DPP8: variants seen among roughly 807,000 people sequenced by gnomAD.
DPP8 encodes the protein DPP VIII.
Under a neutral mutation model 107.5 loss-of-function variants are expected in DPP8, and 31 were observed. The ratio of observed to expected loss-of-function variants is 0.29; its 90% CI spans 0.22 to 0.39. The LOEUF is 0.39. Among genes scored for constraint, DPP8 ranks in the 10% least tolerant of loss-of-function variants. The probability of loss-of-function intolerance (pLI) is 1.00; values close to 1 mark genes in which losing one functional copy is unlikely to be tolerated. For synonymous variants in DPP8, 381 were observed against 356.6 expected (o/e 1.07, Z -0.77); for missense variants, 842 against 1,076.1 (o/e 0.78, Z 3.04).
At position 65,490,186 on chromosome 15, in the gene DPP8, T is replaced by C; in HGVS notation, c.826+3A>G. 3.3e-6 allele frequency: 5 copies of C among 1,504,066 alleles called. No homozygotes were observed. The highest frequency in any genetic ancestry group is 4.6e-6 in the Non-Finnish European group (5 of 1,079,792). 93.2% of individuals were successfully genotyped at this position (1,504,066 alleles called of 1,614,324 possible). On this transcript the variant is annotated splice_donor_region_variant and intron_variant, in intron 6 of 19. Coordinates refer to ENST00000300141, the MANE Select transcript of DPP8 (RefSeq NM_130434.5). ...CATAATATATTATTTTGAACCCCCT[T>C]ACTTGTTTCAGCTTTTGGACACCAC... is the stretch of plus-strand genomic sequence containing the variant.
rs1222993829 is a variant in DPP8, at chr15:65,446,257, CTAGA to C, written c.*623_*626del. 6.6e-6 allele frequency: 1 copy of C among 152,068 alleles called. No homozygotes were observed. The highest frequency in any genetic ancestry group is 1.5e-5 in the Non-Finnish European group (1 of 68,006). The allele number at this position is 152,068 out of a possible 1,614,324, so 9.4% of individuals were successfully genotyped here. A position where few individuals can be genotyped will look rare whatever the true frequency, so the allele number is the denominator to read the frequency against. On this transcript the variant is annotated 3_prime_UTR_variant, in exon 20 of 20. Transcript: ENST00000300141. ...CAAAGAAAAATGAGAATTATTTATA[CTAGA>C]TACAGATTAAATTGGCTAAAAACTG...
At chr15:65,483,831 T>C (rs1435686332) in intron 8 of DPP8, among the ~76,000 whole-genome samples, 3 of 152,084 alleles carry the variant, frequency 2.0e-5, no homozygotes, top group Non-Finnish European at 2.9e-5. Context: ...ACAATCAAAA[T>C]GTTCATCACC....
chr15:65,463,926 CAG>C lies in DPP8; in HGVS notation c.1826-22_1826-21del. On this transcript the variant is annotated intron_variant, in intron 14 of 19. Transcript: ENST00000300141. ...GAGGACCTGTGAATAGGTAACATAA[CAG>C]AGTCTACAAAAGAGTTCTTATGGGA... is the stretch of plus-strand genomic sequence containing the variant. 6.6e-7 allele frequency: 1 copy of C among 1,523,414 alleles called. No homozygotes were observed. The highest frequency in any genetic ancestry group is 8.8e-7 in the Non-Finnish European group (1 of 1,141,986). The allele number at this position is 1,523,414 out of a possible 1,614,324, so 94.4% of individuals were successfully genotyped here.
rs946092042 is a variant in DPP8, at chr15:65,443,392, C to A, written c.*3492G>T. On this transcript the variant is annotated 3_prime_UTR_variant, in exon 20 of 20. Transcript: ENST00000300141. ...AATATTGATTCCATCTTGAAAAATG[C>A]ATGATTTAATAATGAGAAATCTTAT... 6.6e-6 allele frequency: 1 copy of A among 151,610 alleles called. No homozygotes were observed. The highest frequency in any genetic ancestry group is 2.4e-5 in the African/African-American group (1 of 41,222). 9.4% of individuals were successfully genotyped at this position (151,610 alleles called of 1,614,324 possible). A position where few individuals can be genotyped will look rare whatever the true frequency, so the allele number is the denominator to read the frequency against.
intron 6 of DPP8, among the ~76,000 whole-genome samples, chr15:65,488,389 T>C (rs976527232): frequency 6.6e-6 from 1 of 151,738 alleles, no homozygotes; most frequent in Non-Finnish European, 1.5e-5. Flanking sequence ...CAGTATTTTT[T>C]AAAATACAAC....
chr15:65,492,773 A>G (rs1248001500), intron 5 of DPP8, among the ~76,000 whole-genome samples: 1 of 151,810 alleles, frequency 6.6e-6, no homozygotes, highest in Admixed American at 6.6e-5. Context: ...TTTTTAAAAA[A>G]TTTTTGTAGA....
chr15:65,497,159 G>A (rs1409092971), intron 5 of DPP8, among the ~76,000 whole-genome samples: 1 of 152,178 alleles, frequency 6.6e-6, no homozygotes, highest in Admixed American at 6.5e-5. Flanking sequence ...CAAAGTGCTT[G>A]GGACTACAGG....
At chr15:65,500,821 A>C in intron 3 of DPP8, 42 bp from the exon 4 acceptor site, 1 of 1,507,072 alleles carries the variant, frequency 6.6e-7, no homozygotes. Flanking sequence ...CTTCTGAAAA[A>C]CCATCTTTTG....
At chr15:65,457,785 G>A (rs931655484) in intron 15 of DPP8, among the ~76,000 whole-genome samples, 1 of 151,884 alleles carries the variant, frequency 6.6e-6, no homozygotes, top group African/African-American at 2.4e-5. Flanking sequence ...GGTGAGTAAA[G>A]GCACTTGTAT....
At chr15:65,485,295 G>A (rs2067296583) in intron 7 of DPP8, 135 bp from the exon 8 acceptor site, 2 of 626,086 alleles carry the variant, frequency 3.2e-6, no homozygotes, top group South Asian at 1.8e-5. Flanking sequence ...TGTAATCCCA[G>A]CACTTTGGCA....
chr15:65,463,743 G>GTA lies in DPP8; in HGVS notation c.1971+16_1971+17dup. 6.3e-7 allele frequency: 1 copy of GTA among 1,588,718 alleles called. No individual in the cohort carries two copies. Among genetic ancestry groups the GTA allele is most frequent in the Middle Eastern group, 1.7e-4 (1 of 6,010 alleles). ...TATGCATATGGGTGTATGTATATAT[G>GTA]TATATAAATATGCCCACCTGAGGAC... On this transcript the variant is annotated intron_variant, in intron 15 of 19. Transcript: ENST00000300141.
At chr15:65,489,516 T>G (rs1020920986) in intron 6 of DPP8, among the ~76,000 whole-genome samples, 7 of 147,384 alleles carry the variant, frequency 4.7e-5, no homozygotes, top group Non-Finnish European at 7.4e-5. Flanking sequence ...CAGGTTCACG[T>G]CATTCTCCTG....
intron 19 of DPP8, among the ~76,000 whole-genome samples, chr15:65,447,951 TGAAAGACTGGCATAA>T (rs2063593814): frequency 6.6e-6 from 1 of 152,184 alleles, no homozygotes; most frequent in Non-Finnish European, 1.5e-5. Flanking sequence ...AGTCAATATT[TGAAAGACTGGCATAA>T]CACAGTGAGC....
At position 65,507,228 on chromosome 15, in the gene DPP8, A is replaced by G; in HGVS notation, c.372+15T>C. ...ACATACACCAAATCATAGGAATAACAACATTTAATCCTACCTGAAAAAGAT... is the reference window on the plus strand; with the variant it reads ...ACATACACCAAATCATAGGAATAACGACATTTAATCCTACCTGAAAAAGAT... On this transcript the variant is annotated intron_variant, in intron 3 of 19. Transcript: ENST00000300141. 1.4e-6 allele frequency: 2 copies of G among 1,457,562 alleles called. No individual in the cohort carries two copies. Among genetic ancestry groups the G allele is most frequent in the Non-Finnish European group, 1.9e-6 (2 of 1,047,394 alleles). The allele number at this position is 1,457,562 out of a possible 1,614,324, so 90.3% of individuals were successfully genotyped here.
intron 4 of DPP8, among the ~76,000 whole-genome samples, chr15:65,498,286 G>C (rs541662908): frequency 9.5e-4 from 144 of 152,200 alleles, no homozygotes; most frequent in African/African-American, 3.4e-3. Flanking sequence ...GCTGGGCATA[G>C]TGGTGGGCAC....
rs528224902 is a variant in DPP8 at position 65,482,478 on chromosome 15, C to T, written c.1018-863G>A. On this transcript the variant is annotated intron_variant, in intron 8 of 19. Transcript: ENST00000300141. ...TGTATTTTTAGTAGAGACAGGGTTTCACCATGTTGGCCAGGCTGGTCTCGA... is the reference window on the plus strand; with the variant it reads ...TGTATTTTTAGTAGAGACAGGGTTTTACCATGTTGGCCAGGCTGGTCTCGA... Among the ~76,000 whole-genome samples, 932 of 152,190 alleles carry T rather than the reference C, an allele frequency of 6.1e-3. 3 individuals carry two copies. The highest frequency in any genetic ancestry group is 0.011 in the Non-Finnish European group (726 of 68,016).
intron 15 of DPP8, among the ~76,000 whole-genome samples, chr15:65,457,863 A>G (rs2064563410): frequency 6.6e-6 from 1 of 152,084 alleles, no homozygotes; most frequent in Non-Finnish European, 1.5e-5. Flanking sequence ...GTACAATCAT[A>G]GTTCACTACA....
chr15:65,475,567 A>G, intron 11 of DPP8: 3 of 1,231,738 alleles, frequency 2.4e-6, no homozygotes, highest in Non-Finnish European at 1.2e-6. Flanking sequence ...CTGAATTAGG[A>G]CTGGCTTGAC....
intron 5 of DPP8, among the ~76,000 whole-genome samples, chr15:65,495,512 G>A (rs942425306): frequency 1.3e-5 from 2 of 152,116 alleles, no homozygotes; most frequent in Non-Finnish European, 2.9e-5. Context: ...GCTGAGGGAT[G>A]AGAATCACTT....
Sources: gnomAD v4.1 joint callset for allele counts (sites outside exome capture counted in the v4.1 genomes callset) on GRCh38, gnomAD v4.1.1 for gene constraint, MANE v1.5 for transcripts, NCBI Gene and HGNC (gene_info 2026-07-23, HGNC 2026-07-21) for gene names.